The following DNAJC16 variants were observed in gnomAD, a reference collection of about 807,000 sequenced individuals.
DNAJC16 encodes DnaJ heat shock protein family (Hsp40) member C16, also known as dnaJ homolog subfamily C member 16.
DNAJC16 carries 76 observed loss-of-function variants against 92.7 expected under a neutral mutation model. That is an observed-to-expected ratio of 0.82 (90% confidence interval 0.68 to 0.99). DNAJC16 has a LOEUF of 0.99. Ranked by LOEUF, DNAJC16 falls within the 50% of genes least tolerant of loss-of-function variation. The pLI is 0.00. For missense variants in DNAJC16, 869 were observed against 942.4 expected (o/e 0.92, Z 1.02); for synonymous variants, 328 against 358.7 (o/e 0.91, Z 0.97).
At chr1:15,547,468 A>C (rs1052255585) in intron 6 of DNAJC16, among the ~76,000 whole-genome samples, 1 of 149,192 alleles carries the variant, frequency 6.7e-6, no homozygotes, top group African/African-American at 2.5e-5. Flanking sequence ...TCGGAGACCA[A>C]GTCTCACTCT....
At chr1:15,535,201 C>T (rs1710751979) in intron 3 of DNAJC16, among the ~76,000 whole-genome samples, 1 of 152,200 alleles carries the variant, frequency 6.6e-6, no homozygotes, top group Non-Finnish European at 1.5e-5. Context: ...GTGTTCATAG[C>T]TTTTCTTATC....
chr1:15,535,659 G>A (rs1250096210), intron 3 of DNAJC16, among the ~76,000 whole-genome samples: 9 of 152,296 alleles, frequency 5.9e-5, no homozygotes, highest in Non-Finnish European at 1.5e-5. Flanking sequence ...GACCCTGAGA[G>A]ATGGAGGCTG....
rs577480774 is a variant in DNAJC16 at position 15,549,399 on chromosome 1, A to G, written c.1023+971A>G. ...AGTGGTTGAAGTCCTGAGTAGGGTA[A>G]GATCTTCCCGGCATAATACCGTAGT... On this transcript the variant is annotated intron_variant, in intron 7 of 14. Transcript: ENST00000375847. Among the ~76,000 whole-genome samples the G allele has an allele frequency of 4.6e-5, 7 of 152,322 alleles. No individual in the cohort carries two copies. The South Asian group carries it at 1.4e-3, about 32-fold the overall frequency.
At position 15,528,445 on chromosome 1, in the gene DNAJC16, C is replaced by CA. The variant is rs976746994; in HGVS notation, c.-18-636dup. 6.8e-5 allele frequency among the ~76,000 whole-genome samples: 10 copies of CA among 147,972 alleles called. No homozygotes were observed. The East Asian group carries it at 1.8e-3, about 26-fold the overall frequency. ...GAAACTCCGTCTCAAAAAAAAAAAACAAAAAAACACCATATTACTAATGAT... is the reference window on the plus strand; with the variant it reads ...GAAACTCCGTCTCAAAAAAAAAAAACAAAAAAAACACCATATTACTAATGAT... On this transcript the variant is annotated intron_variant, in intron 1 of 14. Transcript: ENST00000375847.
At chr1:15,534,584 G>A (rs1172578793) in intron 3 of DNAJC16, among the ~76,000 whole-genome samples, 1 of 152,068 alleles carries the variant, frequency 6.6e-6, no homozygotes, top group African/African-American at 2.4e-5. Context: ...AATTCGCCGG[G>A]CGTGGTGGCA....
intron 7 of DNAJC16, among the ~76,000 whole-genome samples, chr1:15,554,196 C>T (rs1169236655): frequency 1.3e-5 from 2 of 151,010 alleles, no homozygotes; most frequent in African/African-American, 4.9e-5. Context: ...GAGCAAGACC[C>T]TGTCTCAAAA....
Position 15,563,914 on chromosome 1 carries a change from C to G in DNAJC16, c.1339-15C>G. 2 of 1,585,876 alleles carry G rather than the reference C, an allele frequency of 1.3e-6. No homozygotes were observed. The highest frequency in any genetic ancestry group is 1.7e-6 in the Non-Finnish European group (2 of 1,169,048). On this transcript the variant is annotated splice_polypyrimidine_tract_variant and intron_variant, in intron 9 of 14. Transcript: ENST00000375847. ...TTTTGAAACTTCTGATGTTTTTTCTCTACTTTTCTTCCAGGTGTCTATTTT... is the reference window on the plus strand; with the variant it reads ...TTTTGAAACTTCTGATGTTTTTTCTGTACTTTTCTTCCAGGTGTCTATTTT...
At chr1:15,538,350 G>C (rs549270843) in intron 4 of DNAJC16, among the ~76,000 whole-genome samples, 1 of 150,132 alleles carries the variant, frequency 6.7e-6, no homozygotes, top group Non-Finnish European at 1.5e-5. Context: ...AGCCAAGATC[G>C]TGCCACTGCA....
intron 9 of DNAJC16, 119 bp from the exon 10 acceptor site, chr1:15,563,810 A>G: frequency 1.0e-6 from 1 of 995,868 alleles, no homozygotes; most frequent in Non-Finnish European, 1.5e-6. Flanking sequence ...AGATCACGCC[A>G]CTGCACTCCA....
chr1:15,568,415 T>C lies in DNAJC16; in HGVS notation c.*238T>C. 5.5e-6 allele frequency: 3 copies of C among 543,920 alleles called. No individual in the cohort carries two copies. The highest frequency in any genetic ancestry group is 2.8e-5 in the South Asian group (1 of 35,380). The allele number at this position is 543,920 out of a possible 1,614,324, so 33.7% of individuals were successfully genotyped here. ...CTGGGTGTTATTTTTCCCCACTGAATGCCACACCATTGAAAATAGACTGCT... is the reference window on the plus strand; with the variant it reads ...CTGGGTGTTATTTTTCCCCACTGAACGCCACACCATTGAAAATAGACTGCT... On this transcript the variant is annotated 3_prime_UTR_variant, in exon 15 of 15. Transcript: ENST00000375847.
chr1:15,559,480 T>C lies in DNAJC16; in HGVS notation c.1024-46T>C, dbSNP rs745892913. On this transcript the variant is annotated intron_variant, in intron 7 of 14. Transcript: ENST00000375847. ...AGTAAAGAAAGCCCATCTATTTGCA[T>C]TGAGAACACTGCATAAAATCTAGCT... 4 of 1,609,738 alleles carry C rather than the reference T, an allele frequency of 2.5e-6. No individual in the cohort carries two copies. The East Asian group carries it at 6.7e-5, about 27-fold the overall frequency.
At chr1:15,562,883 A>C (rs898982037) in intron 9 of DNAJC16, among the ~76,000 whole-genome samples, 1 of 150,470 alleles carries the variant, frequency 6.6e-6, no homozygotes, top group Non-Finnish European at 1.5e-5. Context: ...TGAACGGTAA[A>C]GGTCATCAGT....
intron 9 of DNAJC16, among the ~76,000 whole-genome samples, chr1:15,563,504 G>A (rs1638736537): frequency 6.6e-6 from 1 of 150,952 alleles, no homozygotes; most frequent in South Asian, 2.1e-4. Context: ...ACTCCAGCCT[G>A]GGAGACAAGG....
At chr1:15,553,768 C>T (rs757852243) in intron 7 of DNAJC16, among the ~76,000 whole-genome samples, 2 of 152,168 alleles carry the variant, frequency 1.3e-5, no homozygotes, top group African/African-American at 2.4e-5. Context: ...TGTTTTCTAA[C>T]AGCATAGATT....
chr1:15,564,134 G>A (rs372999348), intron 10 of DNAJC16, 23 bp downstream of exon 10: 3 of 1,612,982 alleles, frequency 1.9e-6, no homozygotes, highest in African/African-American at 2.7e-5. Flanking sequence ...GCTGGGAAGG[G>A]TGGGACACCA....
At chr1:15,541,474 C>T (rs1284193167) in intron 4 of DNAJC16, among the ~76,000 whole-genome samples, 1 of 152,188 alleles carries the variant, frequency 6.6e-6, no homozygotes, top group African/African-American at 2.4e-5. Context: ...GAACCTCTCT[C>T]TGTATCTGTA....
At chr1:15,529,968 G>A (rs1282917984) in intron 2 of DNAJC16, among the ~76,000 whole-genome samples, 2 of 151,974 alleles carry the variant, frequency 1.3e-5, no homozygotes, top group African/African-American at 2.4e-5. Flanking sequence ...ATTGTTTAAG[G>A]AATAATGACA....
intron 13 of DNAJC16, 60 bp downstream of exon 13, chr1:15,566,240 C>A: frequency 1.5e-6 from 2 of 1,341,234 alleles, no homozygotes; most frequent in Non-Finnish European, 2.1e-6. Context: ...ATCCTGTCAT[C>A]TGATAACGCA....
intron 2 of DNAJC16, among the ~76,000 whole-genome samples, chr1:15,531,181 G>A (rs1710651751): frequency 6.6e-6 from 1 of 152,202 alleles, no homozygotes; most frequent in Non-Finnish European, 1.5e-5. Flanking sequence ...CGAGTAGGAA[G>A]TTATCCAGAA....
Sources: gnomAD v4.1 joint callset for allele counts (sites outside exome capture counted in the v4.1 genomes callset) on GRCh38, gnomAD v4.1.1 for gene constraint, MANE v1.5 for transcripts, NCBI Gene and HGNC (gene_info 2026-07-23, HGNC 2026-07-21) for gene names.